PTPRF: variants seen among roughly 807,000 people sequenced by gnomAD.
PTPRF encodes the protein protein tyrosine phosphatase receptor type F, also known as receptor-type tyrosine-protein phosphatase F.
A neutral mutation model predicts 201.8 loss-of-function variants in PTPRF; 59 were observed. That is an observed-to-expected ratio of 0.29 (90% CI 0.24 to 0.36). PTPRF has a LOEUF of 0.36. PTPRF is among the 10% of genes least tolerant of loss of function. PTPRF has a pLI of 1.00. For synonymous variants in PTPRF, 1,088 were observed against 1,089.7 expected (o/e 1.00, Z 0.03); for missense variants, 2,132 against 2,690.5 (o/e 0.79, Z 4.59).
rs747460776 is a variant in PTPRF, at chr1:43,621,000, T to C, written c.5519+8T>C. The C allele has an allele frequency of 1.9e-6, 3 of 1,611,372 alleles. No individual in the cohort carries two copies. Among genetic ancestry groups the C allele is most frequent in the Non-Finnish European group, 2.5e-6 (3 of 1,178,240 alleles). Reference sequence around the variant, plus strand: ...TATCACGGTGCACTGCAGGTGGGACTGGCCCCCTGGAGGGCTGGGGTGGGT... The same window carrying C: ...TATCACGGTGCACTGCAGGTGGGACCGGCCCCCTGGAGGGCTGGGGTGGGT... On this transcript the variant is annotated splice_region_variant and intron_variant, in intron 32 of 33. Coordinates refer to ENST00000359947, the MANE Select transcript of PTPRF (RefSeq NM_002840.5).
chr1:43,571,718 C>A (rs886286689), intron 6 of PTPRF, among the ~76,000 whole-genome samples: 1 of 152,226 alleles, frequency 6.6e-6, no homozygotes, highest in Non-Finnish European at 1.5e-5. Flanking sequence ...TCCTGTAGGT[C>A]AGGTTTGCTG....
chr1:43,596,595 T>G (rs1277840732), intron 11 of PTPRF, among the ~76,000 whole-genome samples: 3 of 152,186 alleles, frequency 2.0e-5, no homozygotes, highest in Non-Finnish European at 2.9e-5. Flanking sequence ...GGCCTTCATG[T>G]TCGGCCTCCT....
upstream of PTPRF, among the ~76,000 whole-genome samples, chr1:43,529,049 A>T (rs1321447971): frequency 1.3e-5 from 2 of 152,210 alleles, no homozygotes; most frequent in Non-Finnish European, 2.9e-5. Flanking sequence ...AGCAATGGGC[A>T]GGAATAATTG....
intron 11 of PTPRF, among the ~76,000 whole-genome samples, chr1:43,593,278 C>T (rs557333630): frequency 6.6e-6 from 1 of 152,270 alleles, no homozygotes; most frequent in Non-Finnish European, 1.5e-5. Context: ...AGTGTGTGAC[C>T]ACACCTGACC....
chr1:43,538,143 A>T (rs1644140893), intron 1 of PTPRF, 55 bp from the exon 2 acceptor site: 1 of 398,382 alleles, frequency 2.5e-6, no homozygotes, highest in South Asian at 1.3e-4. Flanking sequence ...GTGTCAATAC[A>T]TATGCTGTTG....
chr1:43,597,133 C>G (rs758932471), intron 11 of PTPRF, among the ~76,000 whole-genome samples: 1 of 151,204 alleles, frequency 6.6e-6, no homozygotes, highest in Non-Finnish European at 1.5e-5. Flanking sequence ...GTGTGAGACA[C>G]TGTGTATATG....
At chr1:43,568,150 C>T (rs545708304) in intron 5 of PTPRF, among the ~76,000 whole-genome samples, 120 of 152,136 alleles carry the variant, frequency 7.9e-4, no homozygotes, top group African/African-American at 2.8e-3. Flanking sequence ...ACAAAATTTG[C>T]CGGGCGTGGT....
intron 1 of PTPRF, among the ~76,000 whole-genome samples, chr1:43,535,559 G>C (rs974033455): frequency 2.0e-4 from 30 of 152,146 alleles, no homozygotes; most frequent in Non-Finnish European, 7.4e-5. Flanking sequence ...CATTCTGGGG[G>C]TTGCTCCAGA....
In PTPRF at chr1:43,600,432, G is replaced by C. The variant is rs1307592753; in HGVS notation, c.2313+1519G>C. Among the ~76,000 whole-genome samples the C allele has an allele frequency of 3.3e-5, 5 of 150,998 alleles. No homozygotes were observed. In the East Asian group the frequency reaches 9.7e-4, roughly 29 times the overall value. ...GCGGTAACTCGAGTCTGGGCTCCCG[G>C]AGGACACTGAAGATGGAGGCCTGCT... On this transcript the variant is annotated intron_variant, in intron 13 of 33. Coordinates refer to ENST00000359947, the MANE Select transcript of PTPRF (RefSeq NM_002840.5).
At chr1:43,557,649 G>A (rs975121080) in intron 5 of PTPRF, among the ~76,000 whole-genome samples, 1 of 147,898 alleles carries the variant, frequency 6.8e-6, no homozygotes, top group East Asian at 2.0e-4. Flanking sequence ...AAAAAAAAAA[G>A]AGGACCTGCA....
intron 5 of PTPRF, among the ~76,000 whole-genome samples, chr1:43,569,203 C>A (rs949862112): frequency 6.6e-6 from 1 of 151,372 alleles, no homozygotes; most frequent in African/African-American, 2.4e-5. Context: ...TTGGATGCTG[C>A]GCGAGCTCCC....
intron 21 of PTPRF, among the ~76,000 whole-genome samples, chr1:43,608,986 T>A (rs1434001930): frequency 1.3e-5 from 2 of 152,148 alleles, no homozygotes; most frequent in African/African-American, 4.8e-5. Context: ...GGGCCCTGTC[T>A]CCTGTGCTGT....
At chr1:43,572,263 AGC>A (rs143223894) in intron 6 of PTPRF, among the ~76,000 whole-genome samples, 37,070 of 152,136 alleles carry the variant, frequency 0.24, 5,462 homozygotes, top group East Asian at 0.33. Context: ...GTCTTCTCTG[AGC>A]CCTTGTCAAG....
At position 43,546,298 on chromosome 1, in the gene PTPRF, AG is replaced by A. The variant is rs1483993154; in HGVS notation, c.91+1136del. Among the ~76,000 whole-genome samples, 1 of 152,138 alleles carries A rather than the reference AG, an allele frequency of 6.6e-6. No homozygotes were observed. Among genetic ancestry groups the A allele is most frequent in the Middle Eastern group, 3.2e-3 (1 of 316 alleles). On this transcript the variant is annotated intron_variant, in intron 3 of 33. Coordinates refer to ENST00000359947, the MANE Select transcript of PTPRF (RefSeq NM_002840.5). The surrounding 1 kb of genome is among the most constrained non-coding windows in gnomAD (Gnocchi z 4.2). ...GGGTGGAGCTAGAAGGGAAAGGAGA[AG>A]GGGCAGGCATTCCCAAGGGGTGGGG...
At position 43,606,346 on chromosome 1, in the gene PTPRF, C is replaced by G; in HGVS notation, c.3590C>G (p.Thr1197Ser). 1 of 1,614,114 alleles carries G rather than the reference C, an allele frequency of 6.2e-7. No individual in the cohort carries two copies. Among genetic ancestry groups the G allele is most frequent in the Non-Finnish European group, 8.5e-7 (1 of 1,179,966 alleles). The change falls in exon 20 of 34, where the codon ACC (threonine) becomes AGC (serine). Residue 1197 changes from threonine (T) to serine (S), a missense_variant. Around this residue, in one of 6 missense-constraint regions of PTPRF, gnomAD observed 818 missense variants for 915.3 expected, o/e 0.89. Coordinates refer to ENST00000359947, the MANE Select transcript of PTPRF (RefSeq NM_002840.5). ...GCTCAACTGGATGTGCTCCCGGAGA[C>G]CTTTACCTTGGGGGACAAGAAGAAC... ...VAAQLDVLPE[T>S]FTLGDKKNYR...
chr1:43,604,132 A>G lies in PTPRF; in HGVS notation c.2980A>G (p.Lys994Glu). ...YDIKVRAWTS[K>E]GSGPLSPSIQ... ...CATCAAGGTCCGCGCATGGACCAGC[A>G]AAGGCTCTGGCCCACTCAGCCCCAG... Residue 994 changes from lysine (K) to glutamate (E), a missense_variant, in exon 16 of 34, where the codon AAA (lysine) becomes GAA (glutamate). By Grantham distance (56) the Lys-to-Glu change is moderately conservative. Around this residue, in one of 6 missense-constraint regions of PTPRF, gnomAD observed 818 missense variants for 915.3 expected, o/e 0.89. Transcript: ENST00000359947. The G allele has an allele frequency of 6.2e-7, 1 of 1,614,152 alleles. No homozygotes were observed. The highest frequency in any genetic ancestry group is 1.1e-5 in the South Asian group (1 of 91,080).
rs934199065 is a variant in PTPRF, at chr1:43,591,415, C to T, written c.1393C>T (p.His465Tyr). The T allele has an allele frequency of 1.5e-5, 23 of 1,578,434 alleles. No individual in the cohort carries two copies. Among genetic ancestry groups the T allele is most frequent in the Non-Finnish European group, 1.7e-5 (20 of 1,163,842 alleles). ...SRRPPNAWHK[H>Y]NTDAGLLTTV... ...CCGCCCCCCGAACGCCTGGCACAAG[C>T]ACAACACCGACGCGGGGCTCCTCAC... The change falls in exon 9 of 34, where the codon CAC (histidine) becomes TAC (tyrosine). Residue 465 changes from histidine (H) to tyrosine (Y), a missense_variant. By Grantham distance (83) the His-to-Tyr change is moderately conservative (BLOSUM62 2). Around this residue, in one of 6 missense-constraint regions of PTPRF, gnomAD observed 351 missense variants for 401.7 expected, o/e 0.87. Transcript: ENST00000359947.
In PTPRF at chr1:43,546,653, G is replaced by A. The variant is rs1021967333; in HGVS notation, c.91+1487G>A. Among the ~76,000 whole-genome samples the A allele has an allele frequency of 6.6e-6, 1 of 152,032 alleles. No homozygotes were observed. The highest frequency in any genetic ancestry group is 2.4e-5 in the African/African-American group (1 of 41,372). ...AGGATGGCCCAGTTGGGCTTCAACAGATAACACATCCTGGGAGAAGAGCTG... is the reference window on the plus strand; with the variant it reads ...AGGATGGCCCAGTTGGGCTTCAACAAATAACACATCCTGGGAGAAGAGCTG... On this transcript the variant is annotated intron_variant, in intron 3 of 33. Coordinates refer to ENST00000359947, the MANE Select transcript of PTPRF (RefSeq NM_002840.5). This position sits in a 1 kb window ranked among gnomAD's most constrained non-coding sequence, Gnocchi z 4.2.
chr1:43,522,451 G>A (rs1404421297), upstream of PTPRF, among the ~76,000 whole-genome samples: 1 of 152,154 alleles, frequency 6.6e-6, no homozygotes, highest in African/African-American at 2.4e-5. Flanking sequence ...AACATTTACT[G>A]GGTAGTGACT....
Sources: allele counts gnomAD v4.1 joint callset (sites outside exome capture counted in the v4.1 genomes callset), GRCh38; gene constraint gnomAD v4.1.1; regional missense constraint gnomAD v4.1.1; non-coding constraint Gnocchi (gnomAD v3.1); transcripts MANE v1.5; gene names NCBI Gene and HGNC (gene_info 2026-07-23, HGNC 2026-07-21).